Variants in MEIG1 observed in about 807,000 individuals in gnomAD.
The protein encoded by MEIG1 is meiosis expressed gene 1 protein homolog.
A neutral mutation model predicts 11.3 loss-of-function variants in MEIG1; 12 were observed. The ratio of observed to expected loss-of-function variants is 1.07; its 90% CI spans 0.68 to 1.73. MEIG1 has a LOEUF of 1.73. Among genes scored for constraint, MEIG1 ranks in the 40% most tolerant of loss-of-function variants. The probability of loss-of-function intolerance (pLI) is 0.00; values close to 1 mark genes in which losing one functional copy is unlikely to be tolerated. For synonymous variants in MEIG1, 41 were observed against 33.2 expected (o/e 1.24, Z -0.81); for missense variants, 119 against 104.9 (o/e 1.13, Z -0.59).
In MEIG1 at chr10:14,966,586, C is replaced by G. The variant is rs768154913; in HGVS notation, c.118C>G (p.Gln40Glu). 2.5e-6 allele frequency: 4 copies of G among 1,609,212 alleles called. No individual in the cohort carries two copies. Among genetic ancestry groups the G allele is most frequent in the Non-Finnish European group, 3.4e-6 (4 of 1,178,496 alleles). The change falls in exon 2 of 3, where the codon CAA (glutamine) becomes GAA (glutamate). Residue 40 changes from glutamine to glutamate, a missense_variant. By Grantham distance (29) the Gln-to-Glu change is conservative (BLOSUM62 2). Coordinates refer to ENST00000407572, the MANE Select transcript of MEIG1 (RefSeq NM_001080836.3). ...ATATCGGGATGAAACCGAATATAGA[C>G]AAGTGAAACAAGTTTCTATGGTAAG... Reference protein sequence around the residue: ...AGYRDETEYRQVKQVSMVDRW... With the variant: ...AGYRDETEYREVKQVSMVDRW...
chr10:14,971,252 T>C (rs964834979), intron 2 of MEIG1, among the ~76,000 whole-genome samples: 3 of 103,588 alleles, frequency 2.9e-5, no homozygotes, highest in Non-Finnish European at 4.2e-5. Context: ...CAATAAAGAA[T>C]GGTAGAAGAA....
chr10:14,981,430 AC>A (rs1475031279), intron 1 of MEIG1, among the ~76,000 whole-genome samples: 1 of 151,960 alleles, frequency 6.6e-6, no homozygotes, highest in Non-Finnish European at 1.5e-5. Flanking sequence ...CTGATGAATG[AC>A]TTGATGTCCT....
At chr10:14,975,778 T>C (rs1843203329), downstream of MEIG1, among the ~76,000 whole-genome samples, 1 of 152,164 alleles carries the variant, frequency 6.6e-6, no homozygotes, top group African/African-American at 2.4e-5. Context: ...GATGTTACTT[T>C]CAATATCGCA....
At chr10:14,956,914 C>T (rs997091750), upstream of MEIG1, among the ~76,000 whole-genome samples, 3 of 152,038 alleles carry the variant, frequency 2.0e-5, no homozygotes, top group East Asian at 3.9e-4. Flanking sequence ...AAGAATTAGC[C>T]GGGTGTGGTG....
chr10:14,968,406 T>G (rs191128933), intron 2 of MEIG1, among the ~76,000 whole-genome samples: 3 of 152,232 alleles, frequency 2.0e-5, no homozygotes, highest in Admixed American at 2.0e-4. Context: ...GAGAATCACT[T>G]GAGCCCAGGA....
downstream of MEIG1, among the ~76,000 whole-genome samples, chr10:14,977,669 GGGTA>G (rs1843224166): frequency 1.3e-5 from 2 of 151,534 alleles, no homozygotes; most frequent in East Asian, 1.9e-4. Context: ...TACCCCATGT[GGGTA>G]TACCCTGTGA....
chr10:14,955,688 ACT>A (rs756538358), upstream of MEIG1, among the ~76,000 whole-genome samples: 9 of 152,228 alleles, frequency 5.9e-5, no homozygotes, highest in South Asian at 1.0e-3. Context: ...ACAGAGAGAG[ACT>A]CTGTCTCAAA....
At chr10:14,973,066 A>ATGTTGG, downstream of MEIG1, among the ~76,000 whole-genome samples, 1 of 151,984 alleles carries the variant, frequency 6.6e-6, no homozygotes, top group African/African-American at 2.4e-5. Context: ...TGATTTCATC[A>ATGTTGG]CGTTGGCCAG....
chr10:14,983,854 AG>A (rs1262881916), intron 1 of MEIG1, among the ~76,000 whole-genome samples: 2 of 152,000 alleles, frequency 1.3e-5, no homozygotes, highest in Non-Finnish European at 2.9e-5. Context: ...GCACCACCCC[AG>A]GGATATTGTT....
intron 1 of MEIG1, among the ~76,000 whole-genome samples, chr10:14,979,674 T>C (rs1176840729): frequency 6.6e-6 from 1 of 152,074 alleles, no homozygotes; most frequent in Non-Finnish European, 1.5e-5. Context: ...GGGATATTAT[T>C]TCAAATATCC....
At chr10:14,958,924 AC>A (rs1400563973), upstream of MEIG1, among the ~76,000 whole-genome samples, 1 of 151,954 alleles carries the variant, frequency 6.6e-6, no homozygotes, top group Non-Finnish European at 1.5e-5. Context: ...AAAACAAAAA[AC>A]CGTATATCTT....
Position 14,966,568 on chromosome 10 carries a change from G to T in MEIG1, c.100G>T (p.Asp34Tyr). 3 of 1,612,030 alleles carry T rather than the reference G, an allele frequency of 1.9e-6. No individual in the cohort carries two copies. Among genetic ancestry groups the T allele is most frequent in the Non-Finnish European group, 2.5e-6 (3 of 1,179,330 alleles). Reference sequence around the variant, plus strand: ...CAGATTTCAACAAGCAGGATATCGGGATGAAACCGAATATAGACAAGTGAA... The same window carrying T: ...CAGATTTCAACAAGCAGGATATCGGTATGAAACCGAATATAGACAAGTGAA... Reference protein sequence around the residue: ...LYRFQQAGYRDETEYRQVKQV... With the variant: ...LYRFQQAGYRYETEYRQVKQV... The change falls in exon 2 of 3, where the codon GAT becomes TAT. Residue 34 changes from aspartate (D) to tyrosine (Y), a missense_variant. Asp to Tyr is a radical substitution (Grantham distance 160). Coordinates refer to ENST00000407572, the MANE Select transcript of MEIG1 (RefSeq NM_001080836.3).
At chr10:14,978,844 G>A (rs1011124027) in intron 1 of MEIG1, among the ~76,000 whole-genome samples, 5 of 151,880 alleles carry the variant, frequency 3.3e-5, no homozygotes, top group African/African-American at 1.2e-4. Context: ...TCACAGTTTC[G>A]TGGTATGTTA....
intron 1 of MEIG1, among the ~76,000 whole-genome samples, chr10:14,981,626 T>G (rs1843266253): frequency 6.6e-6 from 1 of 152,150 alleles, no homozygotes. Flanking sequence ...AGAGGCTCTT[T>G]GGGGACGCTT....
chr10:14,984,292 A>T (rs776900659), intron 1 of MEIG1, among the ~76,000 whole-genome samples: 1 of 151,598 alleles, frequency 6.6e-6, no homozygotes, highest in Non-Finnish European at 1.5e-5. Flanking sequence ...TTCCGAGGAG[A>T]TTTCGTCTAC....
At chr10:14,963,575 C>G (rs1200807365) in intron 1 of MEIG1, among the ~76,000 whole-genome samples, 2 of 152,072 alleles carry the variant, frequency 1.3e-5, no homozygotes, top group African/African-American at 4.8e-5. Context: ...AGTGAACTTC[C>G]CACTAGAATG....
intron 1 of MEIG1, among the ~76,000 whole-genome samples, chr10:14,984,775 G>T (rs1026067791): frequency 6.6e-6 from 1 of 152,012 alleles, no homozygotes; most frequent in Non-Finnish European, 1.5e-5. Flanking sequence ...GAAATTATTC[G>T]TTATAATTTT....
chr10:14,975,392 A>G (rs1428854889), downstream of MEIG1, among the ~76,000 whole-genome samples: 1 of 152,042 alleles, frequency 6.6e-6, no homozygotes, highest in Non-Finnish European at 1.5e-5. Flanking sequence ...AGAGGCTGAT[A>G]TGACTCCCAA....
At chr10:14,956,376 C>T (rs937605557), upstream of MEIG1, among the ~76,000 whole-genome samples, 4 of 150,742 alleles carry the variant, frequency 2.7e-5, no homozygotes, top group Non-Finnish European at 5.9e-5. Flanking sequence ...GTCAGGAGTT[C>T]GAGACCAGCC....
Sources: gnomAD v4.1 joint callset for allele counts (sites outside exome capture counted in the v4.1 genomes callset) on GRCh38, gnomAD v4.1.1 for gene constraint, MANE v1.5 for transcripts, NCBI Gene and HGNC (gene_info 2026-07-23, HGNC 2026-07-21) for gene names.